The following NLGN4X variants were observed in gnomAD, a reference collection of about 807,000 sequenced individuals.
NLGN4X encodes the protein neuroligin-4, X-linked.
In NLGN4X, 3 loss-of-function variants were observed where a neutral mutation model predicts 40.3. The ratio of observed to expected loss-of-function variants is 0.07; its 90% confidence interval spans 0.03 to 0.19. The LOEUF (loss-of-function observed/expected upper bound fraction) is 0.19. Among genes scored for constraint, NLGN4X ranks in the 10% least tolerant of loss-of-function variants. The pLI, the probability that NLGN4X is intolerant of heterozygous loss-of-function variation, is 1.00. For missense variants in NLGN4X, 382 were observed against 708.3 expected, an observed-to-expected ratio of 0.54 and a Z score of 5.23; for synonymous variants, 270 against 306.8, an observed-to-expected ratio of 0.88 and a Z score of 1.25.
At chrX:6,117,266 C>T (rs73184636) in intron 2 of NLGN4X, among the ~76,000 whole-genome samples, 5,241 of 110,593 alleles carry the variant, frequency 0.047, 135 homozygotes, top group Non-Finnish European at 0.073. Flanking sequence ...GACTCTCAAC[C>T]CTTCTTTACT....
intron 2 of NLGN4X, among the ~76,000 whole-genome samples, chrX:6,046,991 T>C (rs2037340797): frequency 1.8e-5 from 2 of 108,490 alleles, no homozygotes; most frequent in South Asian, 3.7e-4. Flanking sequence ...TAATTATACA[T>C]ACATTATTTA....
intron 3 of NLGN4X, among the ~76,000 whole-genome samples, chrX:5,956,050 A>G (rs2034482299): frequency 9.1e-6 from 1 of 109,878 alleles, no homozygotes; most frequent in Non-Finnish European, 1.9e-5. Flanking sequence ...CTTTCCTGAT[A>G]TCAGGAATAT....
intron 2 of NLGN4X, among the ~76,000 whole-genome samples, chrX:6,100,437 A>G (rs2038881217): frequency 8.9e-6 from 1 of 112,648 alleles, no homozygotes; most frequent in South Asian, 3.6e-4. Context: ...TGTGGAAAGC[A>G]TTTACTTTGG....
intron 1 of NLGN4X, among the ~76,000 whole-genome samples, chrX:6,222,695 C>A (rs2147909854): frequency 8.9e-6 from 1 of 112,647 alleles, no homozygotes; most frequent in East Asian, 2.8e-4. Context: ...TTTGTCCCCA[C>A]CAAACCTCAT....
intron 2 of NLGN4X, among the ~76,000 whole-genome samples, chrX:6,089,814 G>T (rs1455030327): frequency 8.9e-6 from 1 of 112,310 alleles, no homozygotes; most frequent in African/African-American, 3.2e-5. Flanking sequence ...ATGAAAGGAA[G>T]GAAAGCAAGG....
At chrX:6,208,912 C>G (rs1569299609) in intron 1 of NLGN4X, among the ~76,000 whole-genome samples, 2 of 112,020 alleles carry the variant, frequency 1.8e-5, no homozygotes, top group African/African-American at 3.2e-5. Flanking sequence ...ATCGCTATGT[C>G]AAAAGGATAC....
At chrX:5,903,028 A>G in intron 5 of NLGN4X, 49 bp downstream of exon 5, 1 of 1,198,712 alleles carries the variant, frequency 8.3e-7, no homozygotes, top group Non-Finnish European at 1.1e-6. Flanking sequence ...TATTGAGGAC[A>G]CAAACAAGTG....
intron 2 of NLGN4X, among the ~76,000 whole-genome samples, chrX:6,103,859 C>T (rs769901025): frequency 1.4e-4 from 16 of 112,351 alleles, no homozygotes; most frequent in Non-Finnish European, 2.3e-4. Flanking sequence ...CTCTAAAGCA[C>T]ACGCACCTTA....
At chrX:5,962,591 T>C (rs1349199781) in intron 3 of NLGN4X, among the ~76,000 whole-genome samples, 1 of 112,435 alleles carries the variant, frequency 8.9e-6, no homozygotes, top group African/African-American at 3.2e-5. Flanking sequence ...TTTCTGTAGT[T>C]TTCCTATACT....
chrX:6,081,638 C>T (rs7059584), intron 2 of NLGN4X, among the ~76,000 whole-genome samples: 302 of 111,556 alleles, frequency 2.7e-3, no homozygotes, highest in African/African-American at 9.4e-3. Flanking sequence ...GGGCTGCAGG[C>T]AAGAAAAAGA....
At chrX:5,956,928 T>G (rs746259487) in intron 3 of NLGN4X, among the ~76,000 whole-genome samples, 1 of 111,545 alleles carries the variant, frequency 9.0e-6, no homozygotes, top group East Asian at 2.8e-4. Flanking sequence ...TTTATTGGTG[T>G]TGTGTGTTAA....
intron 1 of NLGN4X, among the ~76,000 whole-genome samples, chrX:6,210,242 TTG>T (rs748017875): frequency 0.14 from 12,843 of 93,739 alleles, 890 homozygotes; most frequent in African/African-American, 0.28. Context: ...GTGCGCCCGT[TTG>T]TGTGTGTGTG....
chrX:6,035,016 T>A (rs905885527), intron 2 of NLGN4X, among the ~76,000 whole-genome samples: 1 of 112,175 alleles, frequency 8.9e-6, no homozygotes, highest in East Asian at 2.8e-4. Context: ...CTCATTGTAG[T>A]TTTCATTTGC....
chrX:6,112,813 G>A (rs183471811), intron 2 of NLGN4X, among the ~76,000 whole-genome samples: 1 of 110,417 alleles, frequency 9.1e-6, no homozygotes, highest in African/African-American at 3.3e-5. Flanking sequence ...TATAGAAAGT[G>A]TGTGTGCAGG....
intron 2 of NLGN4X, among the ~76,000 whole-genome samples, chrX:6,035,389 C>T (rs1477280485): frequency 9.0e-6 from 1 of 111,606 alleles, no homozygotes; most frequent in Middle Eastern, 4.6e-3. Flanking sequence ...CAATCCATGG[C>T]CCTGAAGACC....
chrX:6,186,257 T>C lies in NLGN4X; in HGVS notation c.-305-34486A>G, dbSNP rs868034055. Among the ~76,000 whole-genome samples, 4 of 111,903 alleles carry C rather than the reference T, an allele frequency of 3.6e-5. No homozygotes were observed. The South Asian group carries it at 1.5e-3, about 42-fold the overall frequency. On this transcript the variant is annotated intron_variant, in intron 1 of 5. Coordinates refer to ENST00000381095, the MANE Select transcript of NLGN4X (RefSeq NM_181332.3). ...CAACCATTCCACTCTGGCACTGTAG[T>C]ATAAAAGAACCATATATGAAAATGT... is the stretch of plus-strand genomic sequence containing the variant.
chrX:6,148,539 C>T (rs1313335763), intron 2 of NLGN4X, among the ~76,000 whole-genome samples: 1 of 110,230 alleles, frequency 9.1e-6, no homozygotes, highest in South Asian at 3.9e-4. Flanking sequence ...TTTTTTGAGA[C>T]GGAGTCTTGC....
chrX:6,087,400 C>T (rs184869084), intron 2 of NLGN4X, among the ~76,000 whole-genome samples: 53 of 111,737 alleles, frequency 4.7e-4, no homozygotes, highest in African/African-American at 1.6e-3. Context: ...AGTATCTATA[C>T]GTGCATACAT....
At chrX:6,082,956 CTTTTTTTTT>C (rs1184184483) in intron 2 of NLGN4X, among the ~76,000 whole-genome samples, 1 of 45,983 alleles carries the variant, frequency 2.2e-5, no homozygotes, top group South Asian at 9.3e-4. Flanking sequence ...GCGTTTTTTT[CTTTTTTTTT>C]TTTTTTTTTT....
Sources: allele counts gnomAD v4.1 joint callset (sites outside exome capture counted in the v4.1 genomes callset), GRCh38; gene constraint gnomAD v4.1.1; transcripts MANE v1.5; gene names NCBI Gene and HGNC (gene_info 2026-07-23, HGNC 2026-07-21).